Variants in MACF1 observed in about 807,000 individuals in gnomAD.
MACF1 encodes microtubule actin crosslinking factor 1, also known as microtubule-actin cross-linking factor 1.
In MACF1, 193 loss-of-function variants were observed where a neutral mutation model predicts 854.8. That is an observed-to-expected ratio of 0.23 (90% confidence interval 0.20 to 0.25). The LOEUF (loss-of-function observed/expected upper bound fraction) is 0.25, where lower values mean the gene tolerates loss of function less well. MACF1 is among the 10% of genes least tolerant of loss of function. The probability of loss-of-function intolerance (pLI) is 1.00; values close to 1 mark genes in which losing one functional copy is unlikely to be tolerated. For synonymous variants in MACF1, 3,185 were observed against 3,226.7 expected (o/e 0.99, Z 0.44); for missense variants, 7,722 against 8,929.1 (o/e 0.86, Z 5.45).
chr1:39,248,251 G>A lies in MACF1; in HGVS notation c.172-1763G>A, dbSNP rs190104087. ...CCCGTTTCTTCGAGGAAGTCTTTAC[G>A]TATGTTTCCATTCTTTATCTTGTCC... On this transcript the variant is annotated intron_variant, in intron 2 of 100. Coordinates refer to ENST00000564288, the MANE Select transcript of MACF1 (RefSeq NM_001394062.1). 1.5e-3 allele frequency among the ~76,000 whole-genome samples: 229 copies of A among 151,922 alleles called. 2 individuals are homozygous for A. Among genetic ancestry groups the A allele is most frequent in the African/African-American group, 5.2e-3 (216 of 41,454 alleles).
intron 5 of MACF1, 28 bp from the exon 6 acceptor site, chr1:39,257,908 C>T: frequency 6.5e-7 from 1 of 1,541,150 alleles, no homozygotes; most frequent in Non-Finnish European, 9.0e-7. Context: ...TCCTAGAGCT[C>T]TGAGCCGTGC....
intron 42 of MACF1, among the ~76,000 whole-genome samples, chr1:39,350,025 C>G (rs899010081): frequency 2.0e-5 from 3 of 152,110 alleles, no homozygotes; most frequent in African/African-American, 7.2e-5. Flanking sequence ...AGCACACAGT[C>G]TAGCAGGGCA....
chr1:39,104,719 C>T (rs1176533300), intron 2 of MACF1, among the ~76,000 whole-genome samples: 3 of 152,188 alleles, frequency 2.0e-5, no homozygotes, highest in Admixed American at 2.0e-4. Flanking sequence ...CTTCATGGTG[C>T]TGGATCTGCC....
At chr1:39,419,798 AGT>A (rs3080664) in intron 58 of MACF1, among the ~76,000 whole-genome samples, 5,264 of 130,908 alleles carry the variant, frequency 0.04, 118 homozygotes, top group African/African-American at 0.074. Flanking sequence ...ATGCCTGGCT[AGT>A]GTGTGTGTGT....
chr1:39,153,879 G>T (rs902856092), intron 2 of MACF1, among the ~76,000 whole-genome samples: 2 of 152,118 alleles, frequency 1.3e-5, no homozygotes, highest in African/African-American at 2.4e-5. Flanking sequence ...CTGCTGCCAG[G>T]GGGAGACAAT....
intron 61 of MACF1, among the ~76,000 whole-genome samples, chr1:39,424,897 G>A (rs995428457): frequency 6.6e-6 from 1 of 152,130 alleles, no homozygotes; most frequent in African/African-American, 2.4e-5. Context: ...ACATTTCCTA[G>A]GTAGCCTATG....
rs1275265180 is a variant in MACF1 at position 39,292,725 on chromosome 1, T to C, written c.1915-41T>C. The C allele has an allele frequency of 2.1e-6, 3 of 1,399,398 alleles. 1 individual carries two copies. 86.7% of individuals were successfully genotyped at this position (1,399,398 alleles called of 1,614,324 possible). ...CAACCATAACACGTAGTTTACTTAC[T>C]CTTTCTCTAATGTATTTTTATTTCA... is the stretch of plus-strand genomic sequence containing the variant. On this transcript the variant is annotated intron_variant, in intron 16 of 100. Coordinates refer to ENST00000564288, the MANE Select transcript of MACF1 (RefSeq NM_001394062.1).
intron 63 of MACF1, 110 bp downstream of exon 63, chr1:39,428,397 T>C: frequency 2.8e-6 from 3 of 1,076,842 alleles, no homozygotes; most frequent in Non-Finnish European, 3.9e-6. Flanking sequence ...TTCAACTTTA[T>C]TTTATACACA....
intron 84 of MACF1, among the ~76,000 whole-genome samples, chr1:39,449,555 C>G (rs1175298403): frequency 6.6e-6 from 1 of 151,772 alleles, no homozygotes; most frequent in African/African-American, 2.4e-5. Context: ...CCCGCCACCA[C>G]GCCTGGCTAG....
At chr1:39,339,040 A>G (rs896739628) in intron 38 of MACF1, among the ~76,000 whole-genome samples, 4 of 152,248 alleles carry the variant, frequency 2.6e-5, no homozygotes, top group African/African-American at 9.6e-5. Flanking sequence ...GCACTTTGGT[A>G]GGCCAAGACA....
Position 39,186,170 on chromosome 1 carries a change from ATCTCTCTCTCTCTC to A in MACF1, c.221-44980_221-44967del, listed in dbSNP as rs55658204. On this transcript the variant is annotated intron_variant, in intron 2 of 93. Transcript: ENST00000361689. ...CCATGTGGGGGCTGGGATTCTGAAC[ATCTCTCTCTCTCTC>A]TCTCTCTCTCTCTCTCTCTCTCTCT... is the stretch of plus-strand genomic sequence containing the variant. Among the ~76,000 whole-genome samples, 570 of 109,572 alleles carry A rather than the reference ATCTCTCTCTCTCTC, an allele frequency of 5.2e-3. 1 individual carries two copies. Among genetic ancestry groups the A allele is most frequent in the South Asian group, 8.5e-3 (27 of 3,170 alleles). The allele number at this position is 109,572 out of a possible 152,430, so 71.9% of individuals were successfully genotyped here.
intron 1 of MACF1, among the ~76,000 whole-genome samples, chr1:39,214,138 A>T (rs1644548138): frequency 6.6e-6 from 1 of 152,126 alleles, no homozygotes; most frequent in Non-Finnish European, 1.5e-5. Flanking sequence ...CATTAGCCTG[A>T]AGAAGTCGTT....
At chr1:39,155,056 T>C (rs1319041496) in intron 2 of MACF1, among the ~76,000 whole-genome samples, 3 of 152,162 alleles carry the variant, frequency 2.0e-5, no homozygotes, top group Non-Finnish European at 2.9e-5. Flanking sequence ...AAAAGATGAA[T>C]AGCCATGAAA....
In MACF1 at chr1:39,285,218, C is replaced by T. The variant is rs1557563408; in HGVS notation, c.1259+8C>T. ...TCGGCCGGCTGTGGAGAGGTGGGTC[C>T]AGATCCTGAGAGTGGTCTGACATTA... On this transcript the variant is annotated splice_region_variant and intron_variant, in intron 12 of 100. Coordinates refer to ENST00000564288, the MANE Select transcript of MACF1 (RefSeq NM_001394062.1). The T allele has an allele frequency of 1.9e-6, 3 of 1,614,184 alleles. No homozygotes were observed. The highest frequency in any genetic ancestry group is 1.7e-5 in the Admixed American group (1 of 60,020).
At chr1:39,358,146 G>C (rs1647756424) in intron 45 of MACF1, among the ~76,000 whole-genome samples, 1 of 152,244 alleles carries the variant, frequency 6.6e-6, no homozygotes, top group Non-Finnish European at 1.5e-5. Flanking sequence ...GATGGTGAAG[G>C]TGGAAGTATT....
At chr1:39,134,683 T>TA (rs1432944865) in intron 2 of MACF1, among the ~76,000 whole-genome samples, 1 of 152,198 alleles carries the variant, frequency 6.6e-6, no homozygotes, top group Non-Finnish European at 1.5e-5. Context: ...AATGAGTTAA[T>TA]ATACGTAAAA....
chr1:39,306,190 C>G (rs529126162), intron 23 of MACF1, among the ~76,000 whole-genome samples: 1 of 150,796 alleles, frequency 6.6e-6, no homozygotes, highest in Non-Finnish European at 1.5e-5. Flanking sequence ...GACGGAGTCT[C>G]CCTCTGTCGC....
chr1:39,111,468 C>T (rs969477501), intron 2 of MACF1, among the ~76,000 whole-genome samples: 20 of 151,948 alleles, frequency 1.3e-4, no homozygotes, highest in Admixed American at 8.5e-4. Context: ...CTGCAAGCTC[C>T]GCCTCCCAGG....
Position 39,349,659 on chromosome 1 carries a change from G to A in MACF1, c.10965+32G>A, listed in dbSNP as rs1167561877. 9 of 1,609,940 alleles carry A rather than the reference G, an allele frequency of 5.6e-6. No homozygotes were observed. In the African/African-American group the frequency reaches 1.1e-4, roughly 19 times the overall value. ...GTGAATCTGTCAATTTTGACACAAAGTCTCGCTCTATCGCTTAGGCTGGAG... is the reference window on the plus strand; with the variant it reads ...GTGAATCTGTCAATTTTGACACAAAATCTCGCTCTATCGCTTAGGCTGGAG... On this transcript the variant is annotated intron_variant, in intron 42 of 100. Coordinates refer to ENST00000564288, the MANE Select transcript of MACF1 (RefSeq NM_001394062.1).
Sources: allele counts gnomAD v4.1 joint callset (sites outside exome capture counted in the v4.1 genomes callset), GRCh38; gene constraint gnomAD v4.1.1; transcripts MANE v1.5; gene names NCBI Gene and HGNC (gene_info 2026-07-23, HGNC 2026-07-21).